TMEM132D: variants seen among roughly 807,000 people sequenced by gnomAD.
TMEM132D encodes the protein transmembrane protein 132D, also known as mature OL transmembrane protein.
TMEM132D carries 21 observed loss-of-function variants against 62.3 expected under a neutral mutation model. The ratio of observed to expected loss-of-function variants is 0.34; its 90% CI spans 0.24 to 0.49. The LOEUF is 0.49. Among genes scored for constraint, TMEM132D ranks in the 20% least tolerant of loss-of-function variants. The pLI is 0.99. For synonymous variants in TMEM132D, 621 were observed against 575.6 expected (o/e 1.08, Z -1.13); for missense variants, 1,346 against 1,402.8 (o/e 0.96, Z 0.65).
chr12:129,583,467 C>T lies in TMEM132D; in HGVS notation c.969-52262G>A, dbSNP rs533505836. On this transcript the variant is annotated intron_variant, in intron 2 of 8. Coordinates refer to ENST00000422113, the MANE Select transcript of TMEM132D (RefSeq NM_133448.3). The stretch of plus-strand genomic sequence containing the variant: ...TCAAAACTCACAGAACTATACACCA[C>T]AATGGGTGACGTTGACTCTTTGTAA... Among the ~76,000 whole-genome samples, 12 of 152,308 alleles carry T rather than the reference C, an allele frequency of 7.9e-5. 1 individual carries two copies. The highest frequency in any genetic ancestry group is 2.4e-4 in the African/African-American group (10 of 41,556).
intron 3 of TMEM132D, among the ~76,000 whole-genome samples, chr12:129,466,878 A>G (rs865787967): frequency 6.6e-6 from 1 of 152,146 alleles, no homozygotes; most frequent in Non-Finnish European, 1.5e-5. Context: ...CAGGAAGACT[A>G]TGCAGATATA....
chr12:129,798,901 G>T (rs1190141312), intron 1 of TMEM132D, among the ~76,000 whole-genome samples: 6 of 152,168 alleles, frequency 3.9e-5, no homozygotes, highest in Non-Finnish European at 7.3e-5. Context: ...GTTTTTGCTT[G>T]GTATGCACAA....
intron 1 of TMEM132D, among the ~76,000 whole-genome samples, chr12:129,825,153 A>G (rs2137328451): frequency 6.6e-6 from 1 of 151,236 alleles, no homozygotes; most frequent in Admixed American, 6.6e-5. Flanking sequence ...AGCTGGGATT[A>G]CAGGCACAGG....
At chr12:129,215,391 A>G (rs1879173823) in intron 4 of TMEM132D, among the ~76,000 whole-genome samples, 1 of 152,126 alleles carries the variant, frequency 6.6e-6, no homozygotes, top group African/African-American at 2.4e-5. Context: ...TAGGCTTAAT[A>G]CCTGGGTGGG....
chr12:129,577,297 C>T (rs1877693186), intron 2 of TMEM132D, among the ~76,000 whole-genome samples: 3 of 151,712 alleles, frequency 2.0e-5, no homozygotes, highest in Non-Finnish European at 4.4e-5. Flanking sequence ...AAAATTACTA[C>T]AGTAGTGCAG....
Position 129,483,703 on chromosome 12 carries a change from C to T in TMEM132D, c.1115+47356G>A, listed in dbSNP as rs7963456. ...GAAACGTGTGGCTTCTGCCAAAATA[C>T]CCACGTCAACGCTCCCCTTCGTGGT... On this transcript the variant is annotated intron_variant, in intron 3 of 8. Transcript: ENST00000422113. Among the ~76,000 whole-genome samples the T allele has an allele frequency of 4.7e-3, 711 of 152,290 alleles. 8 individuals carry two copies. The highest frequency in any genetic ancestry group is 0.016 in the African/African-American group (650 of 41,560).
At chr12:129,156,438 A>T (rs76150583) in intron 5 of TMEM132D, among the ~76,000 whole-genome samples, 2,117 of 152,298 alleles carry the variant, frequency 0.014, 58 homozygotes, top group African/African-American at 0.048. Flanking sequence ...CACTGTTGAG[A>T]TAACTAACCC....
rs577282781 is a variant in TMEM132D at position 129,706,201 on chromosome 12, A to C, written c.80-5503T>G. 1.1e-3 allele frequency among the ~76,000 whole-genome samples: 166 copies of C among 152,164 alleles called. 2 individuals carry two copies. Among genetic ancestry groups the C allele is most frequent in the African/African-American group, 3.8e-3 (158 of 41,570 alleles). ...AAGACTAAGATTCTCGAGCTGGCTC[A>C]AAAGTTAAAAGAAAAAAAAGTTAAG... On this transcript the variant is annotated intron_variant, in intron 1 of 8. Coordinates refer to ENST00000422113, the MANE Select transcript of TMEM132D (RefSeq NM_133448.3).
intron 3 of TMEM132D, among the ~76,000 whole-genome samples, chr12:129,457,879 G>C (rs1390357204): frequency 1.3e-5 from 2 of 152,088 alleles, no homozygotes; most frequent in Non-Finnish European, 2.9e-5. Context: ...TCCAACACTG[G>C]GGATTACAAT....
At chr12:129,601,081 C>T (rs766790526) in intron 2 of TMEM132D, among the ~76,000 whole-genome samples, 3 of 152,192 alleles carry the variant, frequency 2.0e-5, no homozygotes, top group Non-Finnish European at 4.4e-5. Flanking sequence ...TTAGTGTAGG[C>T]ACCTTAATCA....
intron 5 of TMEM132D, among the ~76,000 whole-genome samples, chr12:129,147,229 T>C (rs141807612): frequency 3.8e-5 from 5 of 131,062 alleles, no homozygotes; most frequent in Admixed American, 2.5e-4. Context: ...CACATGTGTA[T>C]GTATATATAC....
chr12:129,156,542 A>G (rs185462302), intron 5 of TMEM132D, among the ~76,000 whole-genome samples: 1 of 152,026 alleles, frequency 6.6e-6, no homozygotes, highest in East Asian at 1.9e-4. Context: ...CCCAACATAA[A>G]TAACCCACTT....
At chr12:129,304,502 T>C (rs1362534525) in intron 4 of TMEM132D, among the ~76,000 whole-genome samples, 3 of 151,372 alleles carry the variant, frequency 2.0e-5, no homozygotes, top group Non-Finnish European at 4.4e-5. Context: ...CCATGCAAAG[T>C]CCACATCATG....
chr12:129,291,448 T>C (rs1321827908), intron 4 of TMEM132D, among the ~76,000 whole-genome samples: 1 of 152,216 alleles, frequency 6.6e-6, no homozygotes, highest in Non-Finnish European at 1.5e-5. Context: ...TCCTGTTTTC[T>C]TCTTGTTCTA....
intron 2 of TMEM132D, among the ~76,000 whole-genome samples, chr12:129,685,450 G>C (rs1880884711): frequency 6.6e-6 from 1 of 152,226 alleles, no homozygotes; most frequent in African/African-American, 2.4e-5. Context: ...GAGCCTGCAG[G>C]TGCACAGAAG....
intron 1 of TMEM132D, among the ~76,000 whole-genome samples, chr12:129,861,154 T>C (rs1873885263): frequency 6.6e-6 from 1 of 152,196 alleles, no homozygotes; most frequent in Non-Finnish European, 1.5e-5. Flanking sequence ...TGGAATGAAA[T>C]GAAAAATGCT....
At chr12:129,809,625 C>G (rs771337956) in intron 1 of TMEM132D, among the ~76,000 whole-genome samples, 1 of 152,182 alleles carries the variant, frequency 6.6e-6, no homozygotes, top group Non-Finnish European at 1.5e-5. Flanking sequence ...TGACCTTACT[C>G]TAGCTCATTT....
intron 3 of TMEM132D, among the ~76,000 whole-genome samples, chr12:129,392,759 C>A: frequency 6.6e-6 from 1 of 152,204 alleles, no homozygotes. Context: ...ATTCTGGGAC[C>A]ATTGTGATGT....
At chr12:129,893,681 A>G (rs1352839773) in intron 1 of TMEM132D, among the ~76,000 whole-genome samples, 1 of 152,222 alleles carries the variant, frequency 6.6e-6, no homozygotes, top group East Asian at 1.9e-4. Context: ...ATGTAGCACA[A>G]TTCTCTGGAT....
Sources: allele counts gnomAD v4.1 joint callset (sites outside exome capture counted in the v4.1 genomes callset), GRCh38; gene constraint gnomAD v4.1.1; transcripts MANE v1.5; gene names NCBI Gene and HGNC (gene_info 2026-07-23, HGNC 2026-07-21).